Variants in SLC3A1 observed in about 807,000 individuals in gnomAD.
SLC3A1 encodes solute carrier family 3 member 1, also known as amino acid transporter heavy chain SLC3A1.
In SLC3A1, 78 loss-of-function variants were observed where a neutral mutation model predicts 60.3. That is an observed-to-expected ratio of 1.29 (90% CI 1.08 to 1.56). The LOEUF (loss-of-function observed/expected upper bound fraction) is 1.56. Ranked by LOEUF, SLC3A1 falls within the 40% of genes most tolerant of loss-of-function variation. The pLI is 0.00. For missense variants in SLC3A1, 1,172 were observed against 858.9 expected (o/e 1.36, Z -4.56); for synonymous variants, 392 against 307.9 (o/e 1.27, Z -2.86).
chr2:44,308,494 C>G (rs1672212305), intron 7 of SLC3A1, among the ~76,000 whole-genome samples: 3 of 152,138 alleles, frequency 2.0e-5, no homozygotes, highest in African/African-American at 4.8e-5. Context: ...TCTTTAATTT[C>G]TTTTGATGAT....
intron 7 of SLC3A1, among the ~76,000 whole-genome samples, chr2:44,310,846 T>C (rs1012382913): frequency 6.6e-6 from 1 of 152,098 alleles, no homozygotes; most frequent in Non-Finnish European, 1.5e-5. Flanking sequence ...TTGCCCAGGC[T>C]GGAGTGCAGT....
chr2:44,277,100 C>T (rs1199341643), intron 1 of SLC3A1, among the ~76,000 whole-genome samples: 6 of 132,718 alleles, frequency 4.5e-5, no homozygotes, highest in Admixed American at 3.0e-4. Flanking sequence ...CATTCTCTCT[C>T]TTCTTTTTTT....
intron 7 of SLC3A1, among the ~76,000 whole-genome samples, chr2:44,307,091 A>G (rs1248616418): frequency 6.6e-6 from 1 of 152,136 alleles, no homozygotes; most frequent in East Asian, 1.9e-4. Flanking sequence ...ATATAAATGG[A>G]GCTATACGAT....
At chr2:44,300,860 T>A in intron 5 of SLC3A1, 143 bp from the exon 6 acceptor site, 1 of 861,342 alleles carries the variant, frequency 1.2e-6, no homozygotes, top group East Asian at 2.5e-5. Flanking sequence ...AATGAAGCAT[T>A]CTTCTCCATC....
chr2:44,309,690 C>G (rs1169464512), intron 7 of SLC3A1, among the ~76,000 whole-genome samples: 1 of 152,096 alleles, frequency 6.6e-6, no homozygotes, highest in Non-Finnish European at 1.5e-5. Flanking sequence ...ACCTCTGCCT[C>G]TGGGTTCAAG....
chr2:44,278,260 C>T (rs530282205), intron 1 of SLC3A1, among the ~76,000 whole-genome samples: 5 of 151,508 alleles, frequency 3.3e-5, no homozygotes, highest in Non-Finnish European at 7.4e-5. Flanking sequence ...CTGGCTAACA[C>T]GGTGAAACCC....
chr2:44,319,092 C>G (rs1428679948), intron 9 of SLC3A1: 3 of 152,524 alleles, frequency 2.0e-5, no homozygotes, highest in African/African-American at 7.2e-5. Flanking sequence ...TTAGACAAGT[C>G]ATACATGTAT....
intron 9 of SLC3A1, chr2:44,319,350 CTG>C (rs1280059231): frequency 6.6e-6 from 1 of 152,554 alleles, no homozygotes; most frequent in Non-Finnish European, 1.5e-5. Flanking sequence ...GACAAAGTAA[CTG>C]TCTTTCTGAT....
rs781577479 is a variant in SLC3A1 at position 44,280,799 on chromosome 2, G to T, written c.514G>T (p.Asp172Tyr). Reference protein sequence around the residue: ...ITSFYKSSLKDFRYGVEDFRE... With the variant: ...ITSFYKSSLKYFRYGVEDFRE... Reference sequence around the variant, plus strand: ...TTCATTTTATAAATCGTCCCTTAAAGATTTCAGATATGGTGTTGAAGATTT... The same window carrying T: ...TTCATTTTATAAATCGTCCCTTAAATATTTCAGATATGGTGTTGAAGATTT... Residue 172 changes from aspartate to tyrosine, a missense_variant, in exon 2 of 10, where the codon GAT becomes TAT. By Grantham distance (160) the Asp-to-Tyr change is radical (BLOSUM62 -3). Coordinates refer to ENST00000260649, the MANE Select transcript of SLC3A1 (RefSeq NM_000341.4). The T allele has an allele frequency of 5.0e-6, 8 of 1,613,210 alleles. No homozygotes were observed. The South Asian group carries it at 6.6e-5, about 13-fold the overall frequency.
At chr2:44,285,543 T>C (rs1336528612) in intron 3 of SLC3A1, 1 of 394,034 alleles carries the variant, frequency 2.5e-6, no homozygotes, top group East Asian at 7.1e-5. Flanking sequence ...AGTTGCTTTT[T>C]ATTCTTGGAG....
At chr2:44,316,082 A>T (rs1389476132) in intron 9 of SLC3A1, among the ~76,000 whole-genome samples, 1 of 152,182 alleles carries the variant, frequency 6.6e-6, no homozygotes, top group Non-Finnish European at 1.5e-5. Flanking sequence ...TCAGACCCAC[A>T]TCCAACTTGG....
At chr2:44,319,953 T>C (rs558017646) in intron 9 of SLC3A1, 3 of 483,670 alleles carry the variant, frequency 6.2e-6, no homozygotes, top group African/African-American at 3.9e-5. Flanking sequence ...ACAGAAACTC[T>C]ACAATGTAGC....
chr2:44,320,325 T>G lies in SLC3A1; in HGVS notation c.1744T>G (p.Tyr582Asp). The G allele has an allele frequency of 1.9e-6, 3 of 1,614,156 alleles. No homozygotes were observed. Among genetic ancestry groups the G allele is most frequent in the Non-Finnish European group, 1.7e-6 (2 of 1,179,988 alleles). The change falls in exon 10 of 10, where the codon TAC (tyrosine) becomes GAC (aspartate). Residue 582 changes from tyrosine to aspartate, a missense_variant. Tyr to Asp is a radical substitution (Grantham distance 160). Coordinates refer to ENST00000260649, the MANE Select transcript of SLC3A1 (RefSeq NM_000341.4). Reference sequence around the variant, plus strand: ...GAGGAATGACAGCCACTATGTTGTGTACACAAGAGAGCTGGATGGCATCGA... The same window carrying G: ...GAGGAATGACAGCCACTATGTTGTGGACACAAGAGAGCTGGATGGCATCGA... ...HLRNDSHYVV[Y>D]TRELDGIDRI...
At position 44,321,077 on chromosome 2, in the gene SLC3A1, G is replaced by A. The variant is rs2103654057; in HGVS notation, c.*438G>A. On this transcript the variant is annotated 3_prime_UTR_variant, in exon 10 of 10. Coordinates refer to ENST00000260649, the MANE Select transcript of SLC3A1 (RefSeq NM_000341.4). Reference sequence around the variant, plus strand: ...GTTCTGACTGGAAGGGAGGCCTGGAGCTCTGCTATCACCAATCCTTCCCTT... The same window carrying A: ...GTTCTGACTGGAAGGGAGGCCTGGAACTCTGCTATCACCAATCCTTCCCTT... The A allele has an allele frequency of 7.0e-6, 3 of 426,374 alleles. No homozygotes were observed. The highest frequency in any genetic ancestry group is 6.7e-4 in the Middle Eastern group (1 of 1,502). 26.4% of individuals were successfully genotyped at this position (426,374 alleles called of 1,614,324 possible). A position where few individuals can be genotyped will look rare whatever the true frequency, so the allele number is the denominator to read the frequency against.
At chr2:44,321,727 G>A (rs1409026494), downstream of SLC3A1, 6 of 1,603,764 alleles carry the variant, frequency 3.7e-6, no homozygotes, top group African/African-American at 1.3e-5. Context: ...GGACATTTGT[G>A]AAGTGGCTTT....
At chr2:44,287,097 C>G (rs1347370578) in intron 4 of SLC3A1, among the ~76,000 whole-genome samples, 2 of 152,108 alleles carry the variant, frequency 1.3e-5, no homozygotes, top group Non-Finnish European at 2.9e-5. Context: ...AGGCCCTGTT[C>G]TAAGCACTGG....
chr2:44,295,010 C>G (rs1671818704), intron 4 of SLC3A1, among the ~76,000 whole-genome samples: 1 of 152,070 alleles, frequency 6.6e-6, no homozygotes, highest in Non-Finnish European at 1.5e-5. Context: ...TCTGAAAGTG[C>G]TAGGATTACA....
chr2:44,314,482 A>G (rs79731958), intron 9 of SLC3A1: 164 of 168,646 alleles, frequency 9.7e-4, no homozygotes, highest in Non-Finnish European at 1.8e-3. Flanking sequence ...ATCAAGCACT[A>G]ATGTCATTCA....
At position 44,320,756 on chromosome 2, in the gene SLC3A1, A is replaced by G; in HGVS notation, c.*117A>G. 4.7e-6 allele frequency: 4 copies of G among 855,810 alleles called. No individual in the cohort carries two copies. Among genetic ancestry groups the G allele is most frequent in the Non-Finnish European group, 7.7e-6 (4 of 516,504 alleles). The allele number at this position is 855,810 out of a possible 1,614,324, so 53.0% of individuals were successfully genotyped here. A position where few individuals can be genotyped will look rare whatever the true frequency, so the allele number is the denominator to read the frequency against. On this transcript the variant is annotated 3_prime_UTR_variant, in exon 10 of 10. Coordinates refer to ENST00000260649, the MANE Select transcript of SLC3A1 (RefSeq NM_000341.4). Reference sequence around the variant, plus strand: ...ATCATTAATTCTTCGATATTTCTGTAGCTTGAATGTAACTGCTTTAAGAAA... The same window carrying G: ...ATCATTAATTCTTCGATATTTCTGTGGCTTGAATGTAACTGCTTTAAGAAA...
Sources: gnomAD v4.1 joint callset for allele counts (sites outside exome capture counted in the v4.1 genomes callset) on GRCh38, gnomAD v4.1.1 for gene constraint, MANE v1.5 for transcripts, NCBI Gene and HGNC (gene_info 2026-07-23, HGNC 2026-07-21) for gene names.